Variants in RIPOR3 observed in about 807,000 individuals in gnomAD.
RIPOR3 encodes family with sequence similarity 65 member C.
A neutral mutation model predicts 114.3 loss-of-function variants in RIPOR3; 95 were observed. The observed-to-expected ratio is 0.83, with a 90% CI of 0.70 to 0.99. The LOEUF is 0.99. RIPOR3 is among the 50% of genes least tolerant of loss of function. The pLI is 0.00. For missense variants in RIPOR3, 1,252 were observed against 1,266.9 expected (o/e 0.99, Z 0.18); for synonymous variants, 575 against 543.8 (o/e 1.06, Z -0.80).
At chr20:50,614,004 C>T (rs2084069864) in intron 4 of RIPOR3, among the ~76,000 whole-genome samples, 2 of 152,110 alleles carry the variant, frequency 1.3e-5, no homozygotes. Context: ...ACAGAGACGG[C>T]CGCTTGTTTG....
At chr20:50,648,416 A>G (rs7264395) in intron 1 of RIPOR3, among the ~76,000 whole-genome samples, 3,159 of 151,622 alleles carry the variant, frequency 0.021, 119 homozygotes, top group African/African-American at 0.073. Flanking sequence ...AGAAGTCCAA[A>G]TCAAGGTGTC....
At chr20:50,640,406 G>A (rs2085145831) in intron 1 of RIPOR3, among the ~76,000 whole-genome samples, 1 of 148,630 alleles carries the variant, frequency 6.7e-6, no homozygotes, top group Non-Finnish European at 1.5e-5. Flanking sequence ...GGCTGCAAGG[G>A]AGGAGAGACC....
chr20:50,626,228 T>G (rs1487521489), intron 2 of RIPOR3, among the ~76,000 whole-genome samples: 1 of 152,232 alleles, frequency 6.6e-6, no homozygotes, highest in East Asian at 1.9e-4. Flanking sequence ...CGCTTCCCCG[T>G]CGGTGTGGGC....
At chr20:50,652,644 AAAG>A (rs1015746095) in intron 1 of RIPOR3, among the ~76,000 whole-genome samples, 1 of 152,006 alleles carries the variant, frequency 6.6e-6, no homozygotes, top group African/African-American at 2.4e-5. Flanking sequence ...AAAGAAAAGA[AAAG>A]AAAAAAGAAA....
chr20:50,612,689 C>T (rs139203969), intron 4 of RIPOR3, among the ~76,000 whole-genome samples: 376 of 152,010 alleles, frequency 2.5e-3, no homozygotes, highest in African/African-American at 8.4e-3. Context: ...GGATGGGACA[C>T]GGAAGATTGA....
rs755215697 is a variant in RIPOR3 at position 50,587,810 on chromosome 20, AGT to A, written c.2742_2743del (p.Leu915ValfsTer4). The A allele has an allele frequency of 5.0e-6, 8 of 1,614,156 alleles. No homozygotes were observed. Among genetic ancestry groups the A allele is most frequent in the South Asian group, 2.2e-5 (2 of 91,088 alleles). On this transcript the variant is annotated frameshift_variant, in exon 21 of 22. Coordinates refer to ENST00000327979, the MANE Select transcript of RIPOR3 (RefSeq NM_001290268.2). LOFTEE classifies it high-confidence loss of function. ...TTTGTGCCACTTTTTACCGAACGAC[AGT>A]GTGGTTTCCCGGGCTGCCGCCCGCA...
At chr20:50,605,152 C>T (rs1039312190) in intron 11 of RIPOR3, among the ~76,000 whole-genome samples, 111 of 151,948 alleles carry the variant, frequency 7.3e-4, no homozygotes, top group African/African-American at 2.4e-3. Flanking sequence ...AGGCTGGTCT[C>T]GAACTTCTGG....
At position 50,596,234 on chromosome 20, in the gene RIPOR3, G is replaced by A; in HGVS notation, c.1820C>T (p.Ser607Leu). Residue 607 changes from serine (S) to leucine (L), a missense_variant, in exon 15 of 22, where the codon TCA (serine) becomes TTA (leucine). Coordinates refer to ENST00000327979, the MANE Select transcript of RIPOR3 (RefSeq NM_001290268.2). ...RKDRPLPPPS[S>L]LKASSRELTA... ...GAGTTCCCTGGATGACGCTTTCAGTGATGACGGTGGGGGCAGGGGCCGGTC... is the reference window on the plus strand; with the variant it reads ...GAGTTCCCTGGATGACGCTTTCAGTAATGACGGTGGGGGCAGGGGCCGGTC... 1 of 1,614,178 alleles carries A rather than the reference G, an allele frequency of 6.2e-7. No individual in the cohort carries two copies. The highest frequency in any genetic ancestry group is 2.2e-5 in the East Asian group (1 of 44,882).
At chr20:50,595,777 C>T (rs547967636) in intron 15 of RIPOR3, among the ~76,000 whole-genome samples, 4 of 152,358 alleles carry the variant, frequency 2.6e-5, no homozygotes, top group South Asian at 4.1e-4. Flanking sequence ...GAGACCTAGT[C>T]CTGATAGCAT....
At chr20:50,677,773 G>T (rs1166683896) in intron 1 of RIPOR3, among the ~76,000 whole-genome samples, 3 of 150,798 alleles carry the variant, frequency 2.0e-5, no homozygotes, top group Admixed American at 1.3e-4. Context: ...TGGTTCAAGT[G>T]ATTCTCCTGC....
intron 19 of RIPOR3, 32 bp downstream of exon 19, chr20:50,592,312 C>T: frequency 6.6e-7 from 1 of 1,518,492 alleles, no homozygotes; most frequent in Non-Finnish European, 8.9e-7. Context: ...ACATCTGTGG[C>T]CAGGGTCTGC....
intron 13 of RIPOR3, among the ~76,000 whole-genome samples, chr20:50,599,327 G>T (rs2083414387): frequency 1.3e-5 from 2 of 152,088 alleles, no homozygotes; most frequent in African/African-American, 2.4e-5. Context: ...AGGAGGTGGA[G>T]GTTGCAGTAA....
In RIPOR3 at chr20:50,597,180, G is replaced by A. The variant is rs180890368; in HGVS notation, c.1790+400C>T. The A allele has an allele frequency of 4.8e-3, 795 of 165,076 alleles. 5 individuals are homozygous for A. Among genetic ancestry groups the A allele is most frequent in the African/African-American group, 0.018 (756 of 41,898 alleles). 10.2% of individuals were successfully genotyped at this position (165,076 alleles called of 1,614,324 possible). On this transcript the variant is annotated intron_variant, in intron 14 of 21. Transcript: ENST00000327979. ...GGGGTTTCATCATGTTGGCCAGGCT[G>A]GTCTTGAACTCCTGACCTCAGGTAA...
intron 2 of RIPOR3, among the ~76,000 whole-genome samples, chr20:50,628,939 C>T (rs777694834): frequency 1.3e-5 from 2 of 152,172 alleles, no homozygotes; most frequent in Non-Finnish European, 2.9e-5. Flanking sequence ...AGCAAATGCC[C>T]CTGGGAAGGA....
intron 1 of RIPOR3, among the ~76,000 whole-genome samples, chr20:50,679,135 A>AATATATAT (rs1568964701): frequency 0.052 from 1,069 of 20,704 alleles, 34 homozygotes; most frequent in Middle Eastern, 0.19. Context: ...AAAAAAAAAA[A>AATATATAT]ATATATATAT....
At chr20:50,590,635 G>T (rs770665403) in intron 19 of RIPOR3, among the ~76,000 whole-genome samples, 9 of 152,196 alleles carry the variant, frequency 5.9e-5, no homozygotes, top group Non-Finnish European at 1.3e-4. Context: ...GGTGAAGGCT[G>T]TGAGGCCACA....
At chr20:50,603,136 C>T (rs1363082332) in intron 12 of RIPOR3, among the ~76,000 whole-genome samples, 1 of 152,250 alleles carries the variant, frequency 6.6e-6, no homozygotes, top group African/African-American at 2.4e-5. Flanking sequence ...GCTGGCTGTG[C>T]ACTTCTCGGA....
intron 1 of RIPOR3, among the ~76,000 whole-genome samples, chr20:50,664,647 T>C (rs2086119869): frequency 1.3e-5 from 2 of 152,298 alleles, no homozygotes; most frequent in South Asian, 4.1e-4. Flanking sequence ...TCCATCTGCT[T>C]GGAGCAGGAA....
At chr20:50,650,291 G>T (rs754091792) in intron 1 of RIPOR3, among the ~76,000 whole-genome samples, 4 of 152,044 alleles carry the variant, frequency 2.6e-5, no homozygotes, top group Non-Finnish European at 5.9e-5. Context: ...CAGCACGGGG[G>T]TTTGGGTTCA....
Sources: gnomAD v4.1 joint callset for allele counts (sites outside exome capture counted in the v4.1 genomes callset) on GRCh38, gnomAD v4.1.1 for gene constraint, MANE v1.5 for transcripts, NCBI Gene and HGNC (gene_info 2026-07-23, HGNC 2026-07-21) for gene names.